Variants in METTL15 observed in about 807,000 individuals in gnomAD.
METTL15 encodes the protein 12S rRNA N(4)-cytidine methyltransferase METTL15.
Under a neutral mutation model 38.3 loss-of-function variants are expected in METTL15, and 34 were observed. The observed-to-expected ratio is 0.89, with a 90% CI of 0.68 to 1.18. METTL15 has a LOEUF of 1.18. METTL15 is among the 50% of genes most tolerant of loss of function. The pLI is 0.00. For synonymous variants in METTL15, 162 were observed against 170.9 expected, an observed-to-expected ratio of 0.95 and a Z score of 0.41; for missense variants, 438 against 498.4, an observed-to-expected ratio of 0.88 and a Z score of 1.15.
At chr11:28,215,878 A>G (rs1852843465) in intron 4 of METTL15, among the ~76,000 whole-genome samples, 1 of 152,040 alleles carries the variant, frequency 6.6e-6, no homozygotes, top group African/African-American at 2.4e-5. Flanking sequence ...TTACAGAGAA[A>G]TGGTGGTGTG....
chr11:28,492,273 C>A (rs966590298), intron 6 of METTL15, among the ~76,000 whole-genome samples: 1 of 152,074 alleles, frequency 6.6e-6, no homozygotes, highest in Non-Finnish European at 1.5e-5. Flanking sequence ...GTGGTGTCTT[C>A]CTGCCCCATG....
chr11:28,232,072 T>C (rs570531236), intron 4 of METTL15, among the ~76,000 whole-genome samples: 3 of 151,904 alleles, frequency 2.0e-5, no homozygotes, highest in East Asian at 1.9e-4. Context: ...CATTTTACAA[T>C]GTAAATAGAA....
chr11:28,255,047 C>A (rs543077686), intron 4 of METTL15, among the ~76,000 whole-genome samples: 1 of 152,152 alleles, frequency 6.6e-6, no homozygotes, highest in South Asian at 2.1e-4. Context: ...ATCTGTAGAT[C>A]GCTTTGGGTA....
chr11:28,527,994 G>A (rs1468611744), downstream of METTL15, among the ~76,000 whole-genome samples: 1 of 152,088 alleles, frequency 6.6e-6, no homozygotes, highest in African/African-American at 2.4e-5. Flanking sequence ...GCCAACTGTG[G>A]CATGCATGGG....
downstream of METTL15, among the ~76,000 whole-genome samples, chr11:28,527,516 A>G (rs1261852507): frequency 3.3e-5 from 5 of 152,216 alleles, no homozygotes; most frequent in African/African-American, 1.2e-4. Flanking sequence ...GGACATCAAA[A>G]CCAGTCACAG....
chr11:28,184,271 C>T (rs1851410729), intron 3 of METTL15, among the ~76,000 whole-genome samples: 1 of 151,982 alleles, frequency 6.6e-6, no homozygotes, highest in African/African-American at 2.4e-5. Context: ...CAGTTCTGCT[C>T]TGATCTTAGT....
chr11:28,380,768 C>G (rs1345021673), intron 5 of METTL15, among the ~76,000 whole-genome samples: 2 of 151,766 alleles, frequency 1.3e-5, no homozygotes, highest in African/African-American at 2.4e-5. Context: ...AAATGTTCGT[C>G]TAGGAGAAAT....
At chr11:28,308,847 C>T (rs993826989) in intron 6 of METTL15, among the ~76,000 whole-genome samples, 1 of 151,814 alleles carries the variant, frequency 6.6e-6, no homozygotes, top group African/African-American at 2.4e-5. Context: ...CTCCCCTTAG[C>T]AGGTTCATCA....
intron 6 of METTL15, among the ~76,000 whole-genome samples, chr11:28,497,142 G>C (rs1322382627): frequency 6.6e-6 from 1 of 152,218 alleles, no homozygotes; most frequent in Non-Finnish European, 1.5e-5. Flanking sequence ...TCATGTTTCA[G>C]AGTTCAGAGA....
At chr11:28,447,017 A>T (rs1008728978) in intron 6 of METTL15, among the ~76,000 whole-genome samples, 2 of 151,902 alleles carry the variant, frequency 1.3e-5, no homozygotes, top group African/African-American at 4.8e-5. Context: ...AATAATATAT[A>T]TTCTTTGTGG....
chr11:28,376,508 C>G (rs1392592779), intron 5 of METTL15, among the ~76,000 whole-genome samples: 1 of 151,656 alleles, frequency 6.6e-6, no homozygotes, highest in Non-Finnish European at 1.5e-5. Context: ...TTTTGTTTTC[C>G]ATTTGCTTGG....
At chr11:28,317,907 A>C (rs935499208) in intron 6 of METTL15, among the ~76,000 whole-genome samples, 2 of 152,188 alleles carry the variant, frequency 1.3e-5, no homozygotes, top group African/African-American at 4.8e-5. Context: ...TAAGTGGTAG[A>C]ATATTTCTGG....
At chr11:28,413,184 A>G (rs1051734497) in intron 5 of METTL15, among the ~76,000 whole-genome samples, 4 of 152,080 alleles carry the variant, frequency 2.6e-5, no homozygotes, top group African/African-American at 9.6e-5. Flanking sequence ...TACCATTTAT[A>G]TATGGGCTCA....
At chr11:28,433,172 G>GTTTTTTTTTTTTTTTTTTT (rs72444156) in intron 6 of METTL15, among the ~76,000 whole-genome samples, 1 of 77,188 alleles carries the variant, frequency 1.3e-5, no homozygotes, top group Non-Finnish European at 3.4e-5. Context: ...TGTTTTTTTT[G>GTTTTTTTTTTTTTTTTTTT]TTTTTTTTTG....
At chr11:28,395,021 G>C (rs1380287743) in intron 5 of METTL15, among the ~76,000 whole-genome samples, 1 of 152,072 alleles carries the variant, frequency 6.6e-6, no homozygotes, top group African/African-American at 2.4e-5. Context: ...CTGATCGTAA[G>C]TAATCAGCCA....
chr11:28,264,456 T>C (rs569922169), intron 4 of METTL15, among the ~76,000 whole-genome samples: 5 of 148,526 alleles, frequency 3.4e-5, no homozygotes, highest in Admixed American at 2.7e-4. Context: ...CCTTAAAATA[T>C]GTTTGTTTGT....
At chr11:28,465,299 C>T (rs907922735) in intron 6 of METTL15, among the ~76,000 whole-genome samples, 5 of 152,092 alleles carry the variant, frequency 3.3e-5, no homozygotes, top group Non-Finnish European at 5.9e-5. Flanking sequence ...GCTCCTCTTA[C>T]CCTTCTTGTC....
chr11:28,436,645 C>T (rs1377916890), intron 6 of METTL15, among the ~76,000 whole-genome samples: 3 of 151,720 alleles, frequency 2.0e-5, no homozygotes, highest in African/African-American at 7.3e-5. Flanking sequence ...GAAAAAGCTA[C>T]TCTGTTAATT....
At chr11:28,416,066 C>G (rs551546639) in intron 5 of METTL15, among the ~76,000 whole-genome samples, 1 of 152,288 alleles carries the variant, frequency 6.6e-6, no homozygotes, top group South Asian at 2.1e-4. Context: ...CTGAAATTAC[C>G]TGGAAAGTCC....
Sources: allele counts gnomAD v4.1 joint callset (sites outside exome capture counted in the v4.1 genomes callset), GRCh38; gene constraint gnomAD v4.1.1; transcripts MANE v1.5; gene names NCBI Gene and HGNC (gene_info 2026-07-23, HGNC 2026-07-21).